RYR2: variants seen among roughly 807,000 people sequenced by gnomAD.
RYR2 encodes cardiac muscle ryanodine receptor-calcium release channel.
RYR2 carries 227 observed loss-of-function variants against 601.1 expected under a neutral mutation model. That is an observed-to-expected ratio of 0.38 (90% confidence interval 0.34 to 0.42). The LOEUF (loss-of-function observed/expected upper bound fraction) is 0.42. Among genes scored for constraint, RYR2 ranks in the 10% least tolerant of loss-of-function variants. The pLI, the probability that RYR2 is intolerant of heterozygous loss-of-function variation, is 1.00. For synonymous variants in RYR2, 2,223 were observed against 2,175.1 expected, an observed-to-expected ratio of 1.02 and a Z score of -0.61; for missense variants, 4,646 against 6,156.5, an observed-to-expected ratio of 0.75 and a Z score of 8.21.
intron 99 of RYR2, among the ~76,000 whole-genome samples, chr1:237,808,431 C>G (rs534968563): frequency 6.6e-6 from 1 of 152,046 alleles, no homozygotes; most frequent in East Asian, 1.9e-4. Flanking sequence ...GATGCCGAGG[C>G]GGGCAGATCG....
At chr1:237,550,462 A>G in intron 26 of RYR2, 82 bp from the exon 27 acceptor site, 1 of 1,489,652 alleles carries the variant, frequency 6.7e-7, no homozygotes, top group Non-Finnish European at 9.1e-7. Context: ...CATGGAATTT[A>G]AAGTTTGATG....
At position 237,233,494 on chromosome 1, in the gene RYR2, G is replaced by A. The variant is rs549949444; in HGVS notation, c.49-37003G>A. The stretch of plus-strand genomic sequence containing the variant: ...GATCTTATCCAGCAATTTTATATTA[G>A]TTCTTGATGGACCCTTTTTAGGTGA... On this transcript the variant is annotated intron_variant, in intron 1 of 104. Coordinates refer to ENST00000366574, the MANE Select transcript of RYR2 (RefSeq NM_001035.3). Among the ~76,000 whole-genome samples, 6 of 152,040 alleles carry A rather than the reference G, an allele frequency of 3.9e-5. No homozygotes were observed. In the South Asian group the frequency reaches 1.2e-3, roughly 32 times the overall value.
chr1:237,087,404 A>G (rs921836467), intron 1 of RYR2, among the ~76,000 whole-genome samples: 1 of 152,144 alleles, frequency 6.6e-6, no homozygotes, highest in African/African-American at 2.4e-5. Flanking sequence ...ACCTACCATG[A>G]TGAATCATCT....
chr1:237,087,874 A>G (rs1558210720), intron 1 of RYR2, among the ~76,000 whole-genome samples: 1 of 152,204 alleles, frequency 6.6e-6, no homozygotes, highest in Non-Finnish European at 1.5e-5. Flanking sequence ...ATTATTTGGA[A>G]TAGAGAAAAC....
intron 5 of RYR2, among the ~76,000 whole-genome samples, chr1:237,365,643 T>C (rs1252835703): frequency 1.3e-5 from 2 of 152,252 alleles, no homozygotes; most frequent in Non-Finnish European, 2.9e-5. Flanking sequence ...ATTTCCTCTC[T>C]TTGCAAATAC....
chr1:237,488,139 G>A (rs889276866), intron 17 of RYR2, among the ~76,000 whole-genome samples: 28 of 151,970 alleles, frequency 1.8e-4, no homozygotes, highest in Admixed American at 9.2e-4. Flanking sequence ...ATTTTAGCAC[G>A]AAAATTTATT....
At position 237,635,165 on chromosome 1, in the gene RYR2, G is replaced by C. The variant is rs141563588; in HGVS notation, c.6792+173G>C. On this transcript the variant is annotated intron_variant, in intron 44 of 104. Transcript: ENST00000366574. ...AACACAATATGTTCTAGTGCTATTA[G>C]AATTAAAGTACATTATAATTTACAT... Among the ~76,000 whole-genome samples the C allele has an allele frequency of 1.2e-4, 19 of 152,224 alleles. 1 individual carries two copies. The East Asian group carries it at 3.7e-3, about 29-fold the overall frequency.
At chr1:237,710,298 TGA>T (rs1428575299) in intron 70 of RYR2, among the ~76,000 whole-genome samples, 9 of 152,192 alleles carry the variant, frequency 5.9e-5, no homozygotes, top group African/African-American at 2.2e-4. Context: ...ACTCTGTAAA[TGA>T]GAGACAAAGA....
intron 62 of RYR2, 91 bp from the exon 63 acceptor site, chr1:237,687,364 T>TTA: frequency 3.8e-6 from 2 of 522,522 alleles, no homozygotes; most frequent in Admixed American, 5.2e-5. Context: ...TTTTTTCTTC[T>TTA]TCTTTTTTTT....
chr1:237,238,534 T>A (rs567610678), intron 1 of RYR2, among the ~76,000 whole-genome samples: 1 of 152,350 alleles, frequency 6.6e-6, no homozygotes, highest in African/African-American at 2.4e-5. Flanking sequence ...AGTAAACCTC[T>A]TTAAATATTT....
chr1:237,664,930 GTGT>G (rs1684165517), intron 56 of RYR2, among the ~76,000 whole-genome samples: 1 of 152,204 alleles, frequency 6.6e-6, no homozygotes, highest in Non-Finnish European at 1.5e-5. Context: ...GGGAACTATG[GTGT>G]TGATAGCAGT....
At chr1:237,105,828 C>G (rs1469705811) in intron 1 of RYR2, among the ~76,000 whole-genome samples, 1 of 112,232 alleles carries the variant, frequency 8.9e-6, no homozygotes, top group African/African-American at 3.9e-5. Context: ...AAGCGAGACT[C>G]TGTCTCAAAA....
At chr1:237,184,452 TA>T (rs1337699926) in intron 1 of RYR2, among the ~76,000 whole-genome samples, 1 of 152,226 alleles carries the variant, frequency 6.6e-6, no homozygotes, top group African/African-American at 2.4e-5. Context: ...TCGGGAGCCA[TA>T]AATAACCTTT....
chr1:237,783,181 T>TTAAG (rs150429356), intron 89 of RYR2, among the ~76,000 whole-genome samples: 13,256 of 152,162 alleles, frequency 0.087, 804 homozygotes, highest in African/African-American at 0.18. Context: ...CCTTTAATAA[T>TTAAG]TAAGTCACAA....
intron 1 of RYR2, among the ~76,000 whole-genome samples, chr1:237,242,198 T>TTTTTTGTTTG (rs928421124): frequency 6.6e-6 from 1 of 150,496 alleles, no homozygotes; most frequent in African/African-American, 2.5e-5. Flanking sequence ...TCACTGTTTT[T>TTTTTTGTTTG]TTTGTTTGTT....
intron 23 of RYR2, among the ~76,000 whole-genome samples, chr1:237,508,470 A>C (rs76547969): frequency 0.027 from 4,111 of 151,228 alleles, 82 homozygotes; most frequent in Non-Finnish European, 0.041. Context: ...AAAAAAAAAA[A>C]AACAAACAAA....
chr1:237,634,187 A>G lies in RYR2; in HGVS notation c.6688+477A>G, dbSNP rs527431045. On this transcript the variant is annotated intron_variant, in intron 43 of 104. Coordinates refer to ENST00000366574, the MANE Select transcript of RYR2 (RefSeq NM_001035.3). ...CATGGTCATTGCAGCATTATTCACA[A>G]TAGCTGAGATATGGAATCAACCTAA... Among the ~76,000 whole-genome samples the G allele has an allele frequency of 3.3e-5, 5 of 152,332 alleles. No homozygotes were observed. The South Asian group carries it at 1.0e-3, about 32-fold the overall frequency.
intron 11 of RYR2, among the ~76,000 whole-genome samples, chr1:237,421,782 A>G (rs1217423723): frequency 6.6e-6 from 1 of 152,154 alleles, no homozygotes; most frequent in African/African-American, 2.4e-5. Flanking sequence ...CTGTCTTTTA[A>G]AAAATTATCC....
chr1:237,807,857 G>A (rs1245100184), intron 99 of RYR2, among the ~76,000 whole-genome samples: 1 of 152,280 alleles, frequency 6.6e-6, no homozygotes, highest in East Asian at 1.9e-4. Flanking sequence ...AAGATGTGCT[G>A]TAATCAGAAA....
Sources: gnomAD v4.1 joint callset for allele counts (sites outside exome capture counted in the v4.1 genomes callset) on GRCh38, gnomAD v4.1.1 for gene constraint, MANE v1.5 for transcripts, NCBI Gene and HGNC (gene_info 2026-07-23, HGNC 2026-07-21) for gene names.